NRG3: variants seen among roughly 807,000 people sequenced by gnomAD.
NRG3 encodes neuregulin 3, also known as pro-neuregulin-3, membrane-bound isoform.
In NRG3, 31 loss-of-function variants were observed where a neutral mutation model predicts 66.9. The observed-to-expected ratio is 0.46, with a 90% CI of 0.35 to 0.63. NRG3 has a LOEUF of 0.63. Ranked by LOEUF, NRG3 falls within the 20% of genes least tolerant of loss-of-function variation. The probability of loss-of-function intolerance (pLI) is 0.00; values close to 1 mark genes in which losing one functional copy is unlikely to be tolerated. For missense variants in NRG3, 910 were observed against 878.9 expected (o/e 1.04, Z -0.45); for synonymous variants, 393 against 359.4 (o/e 1.09, Z -1.06).
chr10:82,748,108 C>T (rs1426502883), intron 3 of NRG3, among the ~76,000 whole-genome samples: 1 of 151,228 alleles, frequency 6.6e-6, no homozygotes, highest in Non-Finnish European at 1.5e-5. Context: ...TTCTACTCTG[C>T]AGATAGGGGT....
intron 1 of NRG3, among the ~76,000 whole-genome samples, chr10:82,271,467 A>G (rs560794467): frequency 6.6e-6 from 1 of 152,250 alleles, no homozygotes; most frequent in African/African-American, 2.4e-5. Context: ...TGTTGTTCTT[A>G]TGAATGTTGT....
At chr10:82,404,642 G>A (rs1441046021) in intron 2 of NRG3, among the ~76,000 whole-genome samples, 2 of 152,156 alleles carry the variant, frequency 1.3e-5, no homozygotes, top group East Asian at 3.9e-4. Context: ...CCTAAGTTAT[G>A]GGAAAATATT....
intron 1 of NRG3, among the ~76,000 whole-genome samples, chr10:82,158,392 T>C (rs1338675096): frequency 6.6e-6 from 1 of 151,706 alleles, no homozygotes; most frequent in Non-Finnish European, 1.5e-5. Context: ...TGGTCTATGG[T>C]GTCTCACGGT....
chr10:82,725,569 T>C (rs2057550779), intron 2 of NRG3, among the ~76,000 whole-genome samples: 1 of 152,206 alleles, frequency 6.6e-6, no homozygotes, highest in African/African-American at 2.4e-5. Context: ...TAGGTGTTTC[T>C]GTTAATAGTT....
Position 82,130,144 on chromosome 10 carries a change from CT to C in NRG3, c.824-228586del, listed in dbSNP as rs938569962. On this transcript the variant is annotated intron_variant, in intron 1 of 8. Coordinates refer to ENST00000372141, the MANE Select transcript of NRG3 (RefSeq NM_001010848.4). Reference sequence around the variant, plus strand: ...CCACTGTGTATATGTATCATATTTTCTTTTTTTTTGCTTCTCCATTCATATT... The same window carrying C: ...CCACTGTGTATATGTATCATATTTTCTTTTTTTTGCTTCTCCATTCATATT... Among the ~76,000 whole-genome samples the C allele has an allele frequency of 1.3e-3, 194 of 149,910 alleles. 1 individual carries two copies. The highest frequency in any genetic ancestry group is 2.1e-3 in the Non-Finnish European group (140 of 67,328).
chr10:82,690,862 T>G (rs2054870729), intron 2 of NRG3, among the ~76,000 whole-genome samples: 1 of 152,192 alleles, frequency 6.6e-6, no homozygotes. Context: ...GATGTAAAAA[T>G]AAAGTTTATC....
intron 1 of NRG3, among the ~76,000 whole-genome samples, chr10:81,894,805 G>C (rs141725994): frequency 4.6e-4 from 70 of 152,188 alleles, no homozygotes; most frequent in African/African-American, 1.5e-3. Flanking sequence ...TGTTTCCAAG[G>C]AAGTGTGGCC....
chr10:82,826,235 A>G (rs1048640468), intron 3 of NRG3, among the ~76,000 whole-genome samples: 1 of 152,110 alleles, frequency 6.6e-6, no homozygotes, highest in African/African-American at 2.4e-5. Flanking sequence ...AGAATCTTCA[A>G]CTCAAAGAAG....
intron 1 of NRG3, among the ~76,000 whole-genome samples, chr10:81,932,316 A>G (rs559321420): frequency 7.2e-5 from 11 of 152,148 alleles, no homozygotes; most frequent in African/African-American, 2.4e-4. Context: ...TCACGTCATG[A>G]AGACAGCACC....
chr10:81,895,212 C>T (rs1245875110), intron 1 of NRG3, among the ~76,000 whole-genome samples: 1 of 152,178 alleles, frequency 6.6e-6, no homozygotes, highest in African/African-American at 2.4e-5. Flanking sequence ...AATCTGACCC[C>T]ATGAAGGCTT....
Position 82,034,111 on chromosome 10 carries a change from T to C in NRG3, c.823+157948T>C, listed in dbSNP as rs2062687378. Among the ~76,000 whole-genome samples the C allele has an allele frequency of 2.6e-5, 4 of 152,144 alleles. No individual in the cohort carries two copies. The South Asian group carries it at 8.3e-4, about 31-fold the overall frequency. On this transcript the variant is annotated intron_variant, in intron 1 of 8. Coordinates refer to ENST00000372141, the MANE Select transcript of NRG3 (RefSeq NM_001010848.4). Reference sequence around the variant, plus strand: ...AGCTAGTTCCTTCTCTTTACTTCCTTCCTGTAATCTTTGCAGGTTCTTTGT... The same window carrying C: ...AGCTAGTTCCTTCTCTTTACTTCCTCCCTGTAATCTTTGCAGGTTCTTTGT...
chr10:82,345,241 T>C (rs2082934814), intron 1 of NRG3, among the ~76,000 whole-genome samples: 1 of 139,152 alleles, frequency 7.2e-6, no homozygotes, highest in African/African-American at 3.2e-5. Context: ...CATTTTTGTA[T>C]AAGGTGTAAG....
At chr10:82,675,515 G>A (rs935572056) in intron 2 of NRG3, among the ~76,000 whole-genome samples, 5 of 152,220 alleles carry the variant, frequency 3.3e-5, no homozygotes, top group South Asian at 2.1e-4. Flanking sequence ...AGGGGTAATC[G>A]GGGAAGTTAG....
At position 82,709,561 on chromosome 10, in the gene NRG3, A is replaced by G. The variant is rs113658175; in HGVS notation, c.954-29016A>G. On this transcript the variant is annotated intron_variant, in intron 2 of 8. Transcript: ENST00000372141. ...CATCCCCAGCTGATTTTTGTATGTT[A>G]GTAGAGACGGGGTTTAACCATGTTG... Among the ~76,000 whole-genome samples, 452 of 152,024 alleles carry G rather than the reference A, an allele frequency of 3.0e-3. 2 individuals carry two copies. Among genetic ancestry groups the G allele is most frequent in the African/African-American group, 0.01 (434 of 41,474 alleles).
chr10:82,825,747 G>A (rs916291376), intron 3 of NRG3, among the ~76,000 whole-genome samples: 1 of 152,194 alleles, frequency 6.6e-6, no homozygotes, highest in Non-Finnish European at 1.5e-5. Context: ...ACAAGGGAAA[G>A]CTAATCAATA....
At chr10:82,360,065 C>T (rs1355183262) in intron 2 of NRG3, among the ~76,000 whole-genome samples, 1 of 152,162 alleles carries the variant, frequency 6.6e-6, no homozygotes, top group Non-Finnish European at 1.5e-5. Context: ...TGTGACCTTT[C>T]CTCACCCCTG....
At chr10:81,920,773 TATTC>T (rs1434767935) in intron 1 of NRG3, among the ~76,000 whole-genome samples, 1 of 152,204 alleles carries the variant, frequency 6.6e-6, no homozygotes, top group African/African-American at 2.4e-5. Context: ...TAATTCATCT[TATTC>T]ACTTAATGTT....
chr10:82,277,083 G>GT (rs58832160), intron 1 of NRG3, among the ~76,000 whole-genome samples: 2,601 of 152,006 alleles, frequency 0.017, 79 homozygotes, highest in African/African-American at 0.059. Flanking sequence ...GCAGATATTT[G>GT]TTTTTTACTT....
intron 4 of NRG3, among the ~76,000 whole-genome samples, chr10:82,929,565 A>G (rs1411078482): frequency 6.6e-6 from 1 of 152,144 alleles, no homozygotes; most frequent in Non-Finnish European, 1.5e-5. Flanking sequence ...GATGGTTTCT[A>G]CTTGTTCACT....
Sources: allele counts gnomAD v4.1 joint callset (sites outside exome capture counted in the v4.1 genomes callset), GRCh38; gene constraint gnomAD v4.1.1; transcripts MANE v1.5; gene names NCBI Gene and HGNC (gene_info 2026-07-23, HGNC 2026-07-21).